Variants in DRC9 observed in about 807,000 individuals in gnomAD.
DRC9 encodes dynein regulatory complex subunit 9.
the DRC9 span, chr3:197,950,406 G>C: frequency 2.9e-6 from 3 of 1,037,416 alleles, no homozygotes; most frequent in South Asian, 4.7e-5. Flanking sequence ...CCTGACACCC[G>C]GAGAACGGCT....
chr3:197,901,883 A>G, the DRC9 span, among the ~76,000 whole-genome samples: 2 of 152,140 alleles, frequency 1.3e-5, no homozygotes. The surrounding 1 kb of genome is among the most constrained non-coding windows in gnomAD (Gnocchi z 4.4). Flanking sequence ...TTGAGTGAAC[A>G]TAGGTGGTAG....
the DRC9 span, among the ~76,000 whole-genome samples, chr3:197,893,357 CAAAAAAAA>C: frequency 1.2e-4 from 5 of 43,276 alleles, no homozygotes; most frequent in African/African-American, 3.0e-4. Context: ...AACTCCGTCT[CAAAAAAAA>C]AAAAAAAAAA....
At chr3:197,956,075 G>T in the DRC9 span, 57 of 377,266 alleles carry the variant, frequency 1.5e-4, no homozygotes, top group East Asian at 3.0e-3. Context: ...TCCTCCCTTG[G>T]CCTTTGAAGT....
At chr3:197,954,472 C>T in the DRC9 span, 1 of 395,500 alleles carries the variant, frequency 2.5e-6, no homozygotes, top group Non-Finnish European at 4.7e-6. Flanking sequence ...TAGCTGGGAC[C>T]ATAGGCGTGT....
At chr3:197,952,043 T>C in the DRC9 span, among the ~76,000 whole-genome samples, 1 of 152,182 alleles carries the variant, frequency 6.6e-6, no homozygotes, top group Non-Finnish European at 1.5e-5. Flanking sequence ...AGGAGGTAAT[T>C]CCTTATATTG....
At chr3:197,957,497 G>A in the DRC9 span, 7 of 142,996 alleles carry the variant, frequency 4.9e-5, no homozygotes, top group Admixed American at 1.5e-4. Context: ...TTGCTCTGTC[G>A]TCTAGGCTGG....
chr3:197,944,448 A>ATT, the DRC9 span, among the ~76,000 whole-genome samples: 2 of 143,148 alleles, frequency 1.4e-5, no homozygotes, highest in African/African-American at 5.5e-5. Context: ...ATTTTATTTT[A>ATT]TTTTATTTTA....
At chr3:197,918,717 T>G in the DRC9 span, among the ~76,000 whole-genome samples, 1 of 152,222 alleles carries the variant, frequency 6.6e-6, no homozygotes, top group African/African-American at 2.4e-5. Flanking sequence ...TATTAAGACT[T>G]CAGAGTAACA....
the DRC9 span, among the ~76,000 whole-genome samples, chr3:197,946,496 A>T: frequency 2.6e-5 from 4 of 151,740 alleles, no homozygotes; most frequent in African/African-American, 9.7e-5. Context: ...TAACATTGCT[A>T]TCAAGATGTT....
At chr3:197,923,762 T>A in the DRC9 span, among the ~76,000 whole-genome samples, 2 of 151,626 alleles carry the variant, frequency 1.3e-5, no homozygotes, top group East Asian at 1.9e-4. Context: ...CAGTAAAAAA[T>A]AAATAAATAA....
chr3:197,944,737 C>T, the DRC9 span, among the ~76,000 whole-genome samples: 31,797 of 151,834 alleles, frequency 0.21, 4,627 homozygotes, highest in African/African-American at 0.42. Context: ...TGTGAGCCAC[C>T]GCGCCCGGCC....
the DRC9 span, chr3:197,938,592 C>T: frequency 6.2e-7 from 1 of 1,614,128 alleles, no homozygotes; most frequent in East Asian, 2.2e-5. Context: ...TCATGATGGT[C>T]TGCCTTGTAG....
the DRC9 span, among the ~76,000 whole-genome samples, chr3:197,940,475 A>G: frequency 3.9e-5 from 6 of 152,144 alleles, no homozygotes; most frequent in South Asian, 2.1e-4. Flanking sequence ...GTATATTAAT[A>G]TATTTTTCAT....
chr3:197,950,125 T>C, the DRC9 span: 23 of 1,231,650 alleles, frequency 1.9e-5, no homozygotes, highest in African/African-American at 3.1e-5. Flanking sequence ...TTGGAGAAGA[T>C]GCCTAAATTG....
the DRC9 span, among the ~76,000 whole-genome samples, chr3:197,933,121 T>C: frequency 6.9e-5 from 10 of 144,478 alleles, no homozygotes; most frequent in African/African-American, 2.3e-4. Context: ...ATACATATAT[T>C]ATACATACGC....
At chr3:197,918,365 AT>A in the DRC9 span, among the ~76,000 whole-genome samples, 1 of 147,928 alleles carries the variant, frequency 6.8e-6, no homozygotes, top group African/African-American at 2.5e-5. Flanking sequence ...CGGCCTCCCA[AT>A]GTGCTGGGAT....
At chr3:197,900,630 C>T in the DRC9 span, among the ~76,000 whole-genome samples, 2 of 150,968 alleles carry the variant, frequency 1.3e-5, no homozygotes, top group African/African-American at 4.9e-5. This position sits in a 1 kb window ranked among gnomAD's most constrained non-coding sequence, Gnocchi z 4.7. Flanking sequence ...ACCAGCTCAG[C>T]CACAGTAGAA....
chr3:197,913,820 G>A, the DRC9 span: 2 of 1,505,646 alleles, frequency 1.3e-6, no homozygotes, highest in South Asian at 2.2e-5. Context: ...GCTGAGAGGG[G>A]ATCAGGAGTG....
chr3:197,939,002 C>T, the DRC9 span: 2 of 531,328 alleles, frequency 3.8e-6, no homozygotes, highest in East Asian at 3.2e-5. Flanking sequence ...ACCTGGTACA[C>T]TCTGCTCAAA....
Sources: gnomAD v4.1 joint callset for allele counts (sites outside exome capture counted in the v4.1 genomes callset) on GRCh38, gnomAD v4.1.1 for gene constraint, Gnocchi (gnomAD v3.1) non-coding constraint, MANE v1.5 for transcripts, NCBI Gene and HGNC (gene_info 2026-07-23, HGNC 2026-07-21) for gene names.